ANO4: variants seen among roughly 807,000 people sequenced by gnomAD.
ANO4 encodes anoctamin 4.
ANO4 carries 69 observed loss-of-function variants against 141.9 expected under a neutral mutation model. That is an observed-to-expected ratio of 0.49 (90% confidence interval 0.40 to 0.59). The LOEUF (loss-of-function observed/expected upper bound fraction) is 0.59, where lower values mean the gene tolerates loss of function less well. Among genes scored for constraint, ANO4 ranks in the 20% least tolerant of loss-of-function variants. The probability of loss-of-function intolerance (pLI) is 0.00; values close to 1 mark genes in which losing one functional copy is unlikely to be tolerated. For missense variants in ANO4, 894 were observed against 1,162.2 expected (o/e 0.77, Z 3.36); for synonymous variants, 350 against 394.3 (o/e 0.89, Z 1.33).
At chr12:100,858,311 CA>C (rs1236979040) in intron 1 of ANO4, among the ~76,000 whole-genome samples, 4 of 152,044 alleles carry the variant, frequency 2.6e-5, no homozygotes, top group African/African-American at 9.7e-5. Flanking sequence ...AACTTTAACA[CA>C]GTGGTATTTT....
In ANO4 at chr12:101,111,605, T is replaced by C. The variant is rs760384477; in HGVS notation, c.2345T>C (p.Val782Ala). The C allele has an allele frequency of 6.2e-7, 1 of 1,612,030 alleles. No homozygotes were observed. The highest frequency in any genetic ancestry group is 1.1e-5 in the South Asian group (1 of 90,584). Residue 782 changes from valine (V) to alanine (A), a missense_variant, in exon 24 of 28, where the codon GTT becomes GCT. Coordinates refer to ENST00000392977, the MANE Select transcript of ANO4 (RefSeq NM_001286615.2). ...GILEGIGILS[V>A]ITNAFVIAIT... ...CTTGAAGGCATTGGAATTCTCTCTGTTATCACAAATGCATTTGTCATAGCG... is the reference window on the plus strand; with the variant it reads ...CTTGAAGGCATTGGAATTCTCTCTGCTATCACAAATGCATTTGTCATAGCG...
At chr12:100,781,403 G>T (rs2033706645) in intron 3 of ANO4, among the ~76,000 whole-genome samples, 1 of 152,078 alleles carries the variant, frequency 6.6e-6, no homozygotes, top group Admixed American at 6.5e-5. Context: ...ACAACTACAA[G>T]CAATGCATAG....
chr12:100,828,042 T>G (rs2036449886), intron 1 of ANO4, among the ~76,000 whole-genome samples: 1 of 151,962 alleles, frequency 6.6e-6, no homozygotes, highest in African/African-American at 2.4e-5. Context: ...TGATACATAC[T>G]CCTGTTAAAA....
intron 1 of ANO4, among the ~76,000 whole-genome samples, chr12:100,844,096 C>G (rs1445251702): frequency 6.6e-6 from 1 of 151,972 alleles, no homozygotes; most frequent in Non-Finnish European, 1.5e-5. Context: ...ATGCAAGGTG[C>G]CTGCCTTCAT....
intron 16 of ANO4, among the ~76,000 whole-genome samples, chr12:101,085,011 A>T (rs982142697): frequency 6.6e-6 from 1 of 152,204 alleles, no homozygotes; most frequent in Non-Finnish European, 1.5e-5. Flanking sequence ...ACAGCACTAC[A>T]ATTAAGATCT....
chr12:100,837,891 T>C (rs1483528805), intron 1 of ANO4, among the ~76,000 whole-genome samples: 1 of 152,138 alleles, frequency 6.6e-6, no homozygotes, highest in Non-Finnish European at 1.5e-5. Context: ...ACATCATAGA[T>C]GCCATGGTTA....
chr12:100,746,852 A>G (rs17030530), intron 3 of ANO4, among the ~76,000 whole-genome samples: 5,392 of 152,244 alleles, frequency 0.035, 212 homozygotes, highest in Admixed American at 0.12. Context: ...TGCTTGGTGA[A>G]GTATGATTAG....
intron 15 of ANO4, among the ~76,000 whole-genome samples, chr12:101,080,883 T>TAATATATATATATATA (rs1491584060): frequency 2.7e-5 from 2 of 74,072 alleles, no homozygotes; most frequent in East Asian, 5.5e-4. Flanking sequence ...TATATATATA[T>TAATATATATATATATA]TATATATATA....
At chr12:100,814,680 A>G (rs2035632234) in intron 1 of ANO4, among the ~76,000 whole-genome samples, 1 of 152,122 alleles carries the variant, frequency 6.6e-6, no homozygotes, top group African/African-American at 2.4e-5. Context: ...TCAGTTACCT[A>G]TTTAGAACAT....
chr12:100,792,125 AC>A (rs1480224284), upstream of ANO4, among the ~76,000 whole-genome samples: 2 of 152,010 alleles, frequency 1.3e-5, no homozygotes, highest in African/African-American at 2.4e-5. Context: ...TAGGCTAGTT[AC>A]AGAACACAGA....
intron 9 of ANO4, among the ~76,000 whole-genome samples, chr12:101,028,490 G>A (rs1045445951): frequency 1.3e-5 from 2 of 152,138 alleles, no homozygotes; most frequent in Admixed American, 6.5e-5. Flanking sequence ...TAAATGACCC[G>A]ATGGAGCTGA....
At chr12:100,827,888 A>G (rs905871112) in intron 1 of ANO4, among the ~76,000 whole-genome samples, 2 of 151,824 alleles carry the variant, frequency 1.3e-5, no homozygotes, top group African/African-American at 4.8e-5. Context: ...GGCCTTCATT[A>G]TTCACCCCCA....
At chr12:101,039,794 A>G (rs2047345072) in intron 10 of ANO4, among the ~76,000 whole-genome samples, 161 bp from the exon 11 acceptor site, 2 of 152,220 alleles carry the variant, frequency 1.3e-5, no homozygotes. Context: ...GACAATGTCC[A>G]GAATAACTCA....
chr12:100,980,897 T>A (rs1362709387), intron 7 of ANO4, among the ~76,000 whole-genome samples: 1 of 152,192 alleles, frequency 6.6e-6, no homozygotes, highest in Admixed American at 6.5e-5. Flanking sequence ...CTGCCCTTTT[T>A]TTTTGCCTTC....
At position 100,769,854 on chromosome 12, in the gene ANO4, A is replaced by G. The variant is rs181460015; in HGVS notation, c.358+29749A>G. On this transcript the variant is annotated intron_variant, in intron 3 of 29. Transcript: ENST00000644049. ...AGGCAAAATTATAATAGTTGGTTAT[A>G]AGATATTTGCTTAACACATATTTCC... is the stretch of plus-strand genomic sequence containing the variant. Among the ~76,000 whole-genome samples, 346 of 152,346 alleles carry G rather than the reference A, an allele frequency of 2.3e-3. 2 individuals are homozygous for G. The highest frequency in any genetic ancestry group is 1.8e-3 in the Non-Finnish European group (123 of 68,036).
chr12:100,828,011 T>C (rs567943716), intron 1 of ANO4, among the ~76,000 whole-genome samples: 1 of 152,116 alleles, frequency 6.6e-6, no homozygotes, highest in East Asian at 1.9e-4. Context: ...ATCTAGAGTC[T>C]TAGTTCCAGA....
chr12:100,939,190 G>A, intron 3 of ANO4, 125 bp from the exon 4 acceptor site: 1 of 952,500 alleles, frequency 1.0e-6, no homozygotes, highest in Non-Finnish European at 1.5e-6. Context: ...TAATATGCTT[G>A]TCACTCAAGG....
At chr12:101,097,625 G>A (rs765327925) in intron 19 of ANO4, 26 bp from the exon 20 acceptor site, 5 of 1,612,054 alleles carry the variant, frequency 3.1e-6, no homozygotes, top group Non-Finnish European at 4.2e-6. Flanking sequence ...GAGCACTAAT[G>A]GCTTGTTTTT....
At chr12:100,991,481 G>C (rs1254455588) in intron 8 of ANO4, among the ~76,000 whole-genome samples, 1 of 149,010 alleles carries the variant, frequency 6.7e-6, no homozygotes, top group African/African-American at 2.5e-5. Context: ...GTGTTCGTTA[G>C]GGGGTGAGGT....
Sources: gnomAD v4.1 joint callset for allele counts (sites outside exome capture counted in the v4.1 genomes callset) on GRCh38, gnomAD v4.1.1 for gene constraint, MANE v1.5 for transcripts, NCBI Gene and HGNC (gene_info 2026-07-23, HGNC 2026-07-21) for gene names.